Variants in MTUS2 observed in about 807,000 individuals in gnomAD.
MTUS2 encodes the protein microtubule-associated tumor suppressor candidate 2.
Under a neutral mutation model 114.1 loss-of-function variants are expected in MTUS2, and 40 were observed. That is an observed-to-expected ratio of 0.35 (90% confidence interval 0.27 to 0.46). The LOEUF (loss-of-function observed/expected upper bound fraction) is 0.46. Ranked by LOEUF, MTUS2 falls within the 20% of genes least tolerant of loss-of-function variation. The pLI, the probability that MTUS2 is intolerant of heterozygous loss-of-function variation, is 1.00. For missense variants in MTUS2, 1,679 were observed against 1,705.4 expected (o/e 0.98, Z 0.27); for synonymous variants, 688 against 672.0 (o/e 1.02, Z -0.37).
chr13:29,193,128 A>G (rs777196965), intron 5 of MTUS2, among the ~76,000 whole-genome samples: 1 of 152,184 alleles, frequency 6.6e-6, no homozygotes, highest in African/African-American at 2.4e-5. Flanking sequence ...TGCTGTTAAT[A>G]TATACCTTGA....
At position 29,496,023 on chromosome 13, in the gene MTUS2, T is replaced by A. The variant is rs755033387; in HGVS notation, c.3580-1215T>A. On this transcript the variant is annotated intron_variant, in intron 12 of 15. Transcript: ENST00000612955. This position sits in a 1 kb window ranked among gnomAD's most constrained non-coding sequence, Gnocchi z 4.3. ...CTGTGTTTTGATATTACAGAAATGG[T>A]CCTGTGCAAAGAGCTTTGGACTGGT... is the stretch of plus-strand genomic sequence containing the variant. Among the ~76,000 whole-genome samples, 23 of 152,104 alleles carry A rather than the reference T, an allele frequency of 1.5e-4. No individual in the cohort carries two copies. Among genetic ancestry groups the A allele is most frequent in the Non-Finnish European group, 2.4e-4 (16 of 68,016 alleles).
intron 5 of MTUS2, among the ~76,000 whole-genome samples, chr13:29,208,803 A>G (rs572761269): frequency 5.3e-5 from 8 of 152,256 alleles, no homozygotes; most frequent in African/African-American, 1.2e-4. Flanking sequence ...AGTACTTGAT[A>G]TAACTTCAAT....
intron 5 of MTUS2, among the ~76,000 whole-genome samples, chr13:29,199,762 G>GAATGGT (rs1894860884): frequency 6.6e-6 from 1 of 152,120 alleles, no homozygotes; most frequent in Non-Finnish European, 1.5e-5. Context: ...GTTTCAGAAG[G>GAATGGT]AATGGTACCA....
At chr13:28,882,291 G>A (rs1878337923) in intron 2 of MTUS2, among the ~76,000 whole-genome samples, 1 of 152,122 alleles carries the variant, frequency 6.6e-6, no homozygotes, top group Non-Finnish European at 1.5e-5. Context: ...CAAGTGATCT[G>A]CCTGCCTTGG....
At chr13:29,228,252 GAA>G in intron 5 of MTUS2, among the ~76,000 whole-genome samples, 1 of 152,324 alleles carries the variant, frequency 6.6e-6, no homozygotes, top group East Asian at 1.9e-4. Context: ...TAAAGAGAAT[GAA>G]TTGGAAATCT....
chr13:29,428,793 C>A, intron 8 of MTUS2: 2 of 1,612,672 alleles, frequency 1.2e-6, no homozygotes, highest in Non-Finnish European at 1.7e-6. Context: ...TAGGAGTTGC[C>A]CGCTGACACC....
At chr13:29,495,045 G>A (rs1882439879) in intron 12 of MTUS2, among the ~76,000 whole-genome samples, 1 of 151,778 alleles carries the variant, frequency 6.6e-6, no homozygotes, top group African/African-American at 2.4e-5. Context: ...TTAGCTGGAC[G>A]TGGTGGTGCA....
intron 8 of MTUS2, among the ~76,000 whole-genome samples, chr13:29,375,724 A>AG (rs1277734141): frequency 6.7e-6 from 1 of 149,182 alleles, no homozygotes; most frequent in Non-Finnish European, 1.5e-5. Context: ...CATTATTCTA[A>AG]GGGGGGTTAC....
chr13:29,036,092 C>T (rs998937936), intron 4 of MTUS2, among the ~76,000 whole-genome samples: 18 of 146,864 alleles, frequency 1.2e-4, no homozygotes, highest in African/African-American at 3.5e-4. Flanking sequence ...TACAGTGAGC[C>T]GAGATCGCAC....
At chr13:29,390,601 G>A (rs894077271) in intron 8 of MTUS2, among the ~76,000 whole-genome samples, 14 of 149,998 alleles carry the variant, frequency 9.3e-5, no homozygotes, top group East Asian at 8.0e-4. Flanking sequence ...TGAGTGAGCC[G>A]AGATGGCATC....
At chr13:29,402,737 A>G (rs1465030410) in intron 8 of MTUS2, among the ~76,000 whole-genome samples, 1 of 152,146 alleles carries the variant, frequency 6.6e-6, no homozygotes, top group African/African-American at 2.4e-5. Flanking sequence ...CTTCCAATAC[A>G]TACTTAAGAT....
intron 5 of MTUS2, among the ~76,000 whole-genome samples, chr13:29,158,334 A>G (rs533735386): frequency 4.7e-5 from 2 of 42,242 alleles, no homozygotes; most frequent in South Asian, 1.3e-3. Flanking sequence ...CCCGCCCCCC[A>G]CCCCCCAACC....
At position 29,025,096 on chromosome 13, in the gene MTUS2, C is replaced by T. The variant is rs139759318; in HGVS notation, c.398C>T (p.Ser133Leu). 4.4e-4 allele frequency: 709 copies of T among 1,613,810 alleles called. 4 individuals are homozygous for T. The African/African-American group carries it at 8.0e-3, about 18-fold the overall frequency. Residue 133 changes from serine (S) to leucine (L), a missense_variant, in exon 3 of 16, where the codon TCG (serine) becomes TTG (leucine). By Grantham distance (145) the Ser-to-Leu change is moderately radical. This residue lies in a region of MTUS2 where 843 missense variants were observed against 770.8 expected (regional missense o/e 1.09). Coordinates refer to ENST00000612955, the MANE Select transcript of MTUS2 (RefSeq NM_001033602.4). ...CGGAGTATTCAGGGACCAAGTCTGT[C>T]GAGTTGGAGGAATGTGATGAGTGAG... ...TTRSIQGPSL[S>L]SWRNVMSEAS...
intron 5 of MTUS2, among the ~76,000 whole-genome samples, chr13:29,255,697 A>G (rs574770132): frequency 6.6e-6 from 1 of 151,010 alleles, no homozygotes; most frequent in African/African-American, 2.4e-5. Flanking sequence ...TGAGCTGTTG[A>G]TCACAGCCTG....
chr13:29,392,127 C>CAAAA (rs67050496), intron 8 of MTUS2, among the ~76,000 whole-genome samples: 6 of 118,830 alleles, frequency 5.0e-5, no homozygotes, highest in African/African-American at 6.7e-5. Context: ...GACTCTGTCT[C>CAAAA]AAAAAAAAAA....
At chr13:28,941,280 A>G (rs1349596647) in intron 2 of MTUS2, among the ~76,000 whole-genome samples, 1 of 152,008 alleles carries the variant, frequency 6.6e-6, no homozygotes, top group Non-Finnish European at 1.5e-5. Context: ...GTCTATATTT[A>G]CTGTATTTAC....
intron 5 of MTUS2, among the ~76,000 whole-genome samples, chr13:29,154,111 C>G (rs144792685): frequency 1.9e-4 from 29 of 152,268 alleles, no homozygotes; most frequent in African/African-American, 6.7e-4. Flanking sequence ...CTTGCTGTCT[C>G]GTAGCTCACC....
intron 5 of MTUS2, among the ~76,000 whole-genome samples, chr13:29,138,439 T>C (rs1412367535): frequency 6.7e-6 from 1 of 148,314 alleles, no homozygotes; most frequent in East Asian, 1.9e-4. Flanking sequence ...ATAAATATTA[T>C]ACATTATTTA....
chr13:28,937,258 A>C (rs1881952206), intron 2 of MTUS2, among the ~76,000 whole-genome samples: 2 of 152,190 alleles, frequency 1.3e-5, no homozygotes, highest in Admixed American at 1.3e-4. Context: ...GAGGTTTGTA[A>C]AATGCACCAA....
Sources: allele counts gnomAD v4.1 joint callset (sites outside exome capture counted in the v4.1 genomes callset), GRCh38; gene constraint gnomAD v4.1.1; regional missense constraint gnomAD v4.1.1; non-coding constraint Gnocchi (gnomAD v3.1); transcripts MANE v1.5; gene names NCBI Gene and HGNC (gene_info 2026-07-23, HGNC 2026-07-21).